SNAP91: variants seen among roughly 807,000 people sequenced by gnomAD.
SNAP91 encodes the protein synaptosome associated protein 91, also known as clathrin coat assembly protein AP180.
SNAP91 carries 27 observed loss-of-function variants against 100.3 expected under a neutral mutation model. The ratio of observed to expected loss-of-function variants is 0.27; its 90% CI spans 0.20 to 0.37. SNAP91 has a LOEUF of 0.37. Among genes scored for constraint, SNAP91 ranks in the 10% least tolerant of loss-of-function variants. The probability of loss-of-function intolerance (pLI) is 1.00; values close to 1 mark genes in which losing one functional copy is unlikely to be tolerated. For missense variants in SNAP91, 986 were observed against 1,123.7 expected (o/e 0.88, Z 1.75); for synonymous variants, 404 against 398.6 (o/e 1.01, Z -0.16).
At position 83,700,688 on chromosome 6, in the gene SNAP91, A is replaced by G. The variant is rs1222537191; in HGVS notation, c.130+7110T>C. On this transcript the variant is annotated intron_variant, in intron 2 of 29. Transcript: ENST00000369694. The stretch of plus-strand genomic sequence containing the variant: ...CAGGCTGGAGTACAATGGCATGATC[A>G]TGGCTCATTGCAGGCTTGACATCCT... 3.3e-5 allele frequency among the ~76,000 whole-genome samples: 5 copies of G among 151,994 alleles called. 1 individual carries two copies. Among genetic ancestry groups the G allele is most frequent in the East Asian group, 3.9e-4 (2 of 5,144 alleles).
chr6:83,704,049 T>G (rs1421547659), intron 2 of SNAP91, among the ~76,000 whole-genome samples: 1 of 152,230 alleles, frequency 6.6e-6, no homozygotes, highest in Admixed American at 6.5e-5. Flanking sequence ...GGGTAGGTAC[T>G]GGGTGCCTAT....
rs1028325930 is a variant in SNAP91 at position 83,680,135 on chromosome 6, TCTCA to T, written c.131-14558_131-14555del. Among the ~76,000 whole-genome samples, 4 of 152,102 alleles carry T rather than the reference TCTCA, an allele frequency of 2.6e-5. No individual in the cohort carries two copies. In the Admixed American group the frequency reaches 2.6e-4, roughly 10 times the overall value. On this transcript the variant is annotated intron_variant, in intron 2 of 29. Transcript: ENST00000369694. ...TATGCCAAATAAAAGGCTAGACCTCTCTCAATCAAGTTTAAAAATTTAGGATTAA... is the reference window on the plus strand; with the variant it reads ...TATGCCAAATAAAAGGCTAGACCTCTATCAAGTTTAAAAATTTAGGATTAA...
intron 2 of SNAP91, among the ~76,000 whole-genome samples, chr6:83,691,467 G>C (rs1367857114): frequency 6.6e-6 from 1 of 151,672 alleles, no homozygotes; most frequent in African/African-American, 2.4e-5. Flanking sequence ...AATGTATATC[G>C]AGATTCACCA....
chr6:83,568,625 C>G (rs1249012573), intron 26 of SNAP91, among the ~76,000 whole-genome samples: 1 of 152,134 alleles, frequency 6.6e-6, no homozygotes, highest in African/African-American at 2.4e-5. Context: ...TATTCAAGTC[C>G]TGCTAAGGTT....
intron 2 of SNAP91, 28 bp from the exon 3 acceptor site, chr6:83,665,609 G>C: frequency 6.3e-7 from 1 of 1,589,882 alleles, no homozygotes; most frequent in Non-Finnish European, 8.6e-7. Flanking sequence ...ATTAATCAAT[G>C]ATATTAACAA....
intron 14 of SNAP91, among the ~76,000 whole-genome samples, chr6:83,604,241 A>T (rs1301476318): frequency 6.6e-6 from 1 of 152,176 alleles, no homozygotes; most frequent in African/African-American, 2.4e-5. Context: ...AGCTCAGAAT[A>T]AAAACATGAG....
chr6:83,580,324 G>T, intron 24 of SNAP91, 126 bp downstream of exon 24: 1 of 941,118 alleles, frequency 1.1e-6, no homozygotes, highest in Non-Finnish European at 1.6e-6. Context: ...TTCCCTCCCT[G>T]CCATACTCAC....
intron 16 of SNAP91, among the ~76,000 whole-genome samples, chr6:83,600,497 G>C (rs1321606786): frequency 1.3e-5 from 2 of 152,110 alleles, no homozygotes; most frequent in Non-Finnish European, 2.9e-5. Context: ...TTTGATATGA[G>C]AACTTCTTTA....
intron 27 of SNAP91, among the ~76,000 whole-genome samples, chr6:83,560,492 G>A (rs1393274213): frequency 3.3e-5 from 5 of 152,148 alleles, no homozygotes; most frequent in African/African-American, 1.2e-4. Context: ...TTCTTGGAAA[G>A]AGAAAAATTT....
chr6:83,671,989 T>C (rs1301587589), intron 2 of SNAP91, among the ~76,000 whole-genome samples: 2 of 152,092 alleles, frequency 1.3e-5, no homozygotes, highest in East Asian at 1.9e-4. Context: ...TAGCTGTCAC[T>C]TGCTCAAAAC....
intron 22 of SNAP91, among the ~76,000 whole-genome samples, chr6:83,591,002 C>T (rs1177021524): frequency 2.0e-5 from 3 of 152,060 alleles, no homozygotes; most frequent in African/African-American, 7.2e-5. Context: ...CTATGAGATG[C>T]TGAAGTTTGG....
chr6:83,678,681 TA>T, intron 2 of SNAP91: 1 of 1,109,402 alleles, frequency 9.0e-7, no homozygotes, highest in Non-Finnish European at 1.2e-6. Context: ...GCACTGGATC[TA>T]ACCTTCTACC....
intron 26 of SNAP91, among the ~76,000 whole-genome samples, chr6:83,567,932 T>C (rs1799322244): frequency 6.6e-6 from 1 of 152,080 alleles, no homozygotes; most frequent in South Asian, 2.1e-4. Context: ...TGGAAGTCAG[T>C]GTTGTGATTC....
intron 2 of SNAP91, among the ~76,000 whole-genome samples, chr6:83,704,095 G>A (rs1262853523): frequency 6.6e-6 from 1 of 151,252 alleles, no homozygotes; most frequent in East Asian, 2.0e-4. Context: ...ATTTGACTTG[G>A]GCTATCCCTT....
Position 83,560,954 on chromosome 6 carries a change from A to C in SNAP91, c.2443-7T>G. ...TTGGAGGTACAGCTCCTTGCTACACAGATAGACAGACATACACATATAAAT... is the reference window on the plus strand; with the variant it reads ...TTGGAGGTACAGCTCCTTGCTACACCGATAGACAGACATACACATATAAAT... On this transcript the variant is annotated splice_polypyrimidine_tract_variant and splice_region_variant and intron_variant, in intron 26 of 29. Coordinates refer to ENST00000369694, the MANE Select transcript of SNAP91 (RefSeq NM_001242792.2). 6.3e-7 allele frequency: 1 copy of C among 1,592,558 alleles called. No homozygotes were observed. Among genetic ancestry groups the C allele is most frequent in the Non-Finnish European group, 8.5e-7 (1 of 1,172,214 alleles).
At chr6:83,633,927 G>A (rs897851277) in intron 8 of SNAP91, among the ~76,000 whole-genome samples, 1 of 147,888 alleles carries the variant, frequency 6.8e-6, no homozygotes. Context: ...ACAGGAAGGG[G>A]AACATCACAC....
At chr6:83,600,572 A>C (rs2095072946) in intron 16 of SNAP91, among the ~76,000 whole-genome samples, 1 of 152,214 alleles carries the variant, frequency 6.6e-6, no homozygotes, top group South Asian at 2.1e-4. Flanking sequence ...CACATGGCTC[A>C]TCAGGTCCAG....
intron 7 of SNAP91, among the ~76,000 whole-genome samples, chr6:83,644,897 C>A (rs773465539): frequency 6.6e-6 from 1 of 152,182 alleles, no homozygotes; most frequent in Non-Finnish European, 1.5e-5. Context: ...GAAAAATACA[C>A]CTGCCTCAAA....
At chr6:83,607,672 C>A in intron 13 of SNAP91, 27 bp downstream of exon 13, 1 of 1,341,494 alleles carries the variant, frequency 7.5e-7, no homozygotes, top group African/African-American at 1.5e-5. Context: ...TATTAATAAA[C>A]AGTTAACTGC....
Sources: gnomAD v4.1 joint callset for allele counts (sites outside exome capture counted in the v4.1 genomes callset) on GRCh38, gnomAD v4.1.1 for gene constraint, MANE v1.5 for transcripts, NCBI Gene and HGNC (gene_info 2026-07-23, HGNC 2026-07-21) for gene names.